Variants in GAS7 observed in about 807,000 individuals in gnomAD.
GAS7 encodes the protein growth arrest-specific protein 7.
A neutral mutation model predicts 71.1 loss-of-function variants in GAS7; 28 were observed. The observed-to-expected ratio is 0.39, with a 90% CI of 0.29 to 0.54. The LOEUF (loss-of-function observed/expected upper bound fraction) is 0.54. GAS7 is among the 20% of genes least tolerant of loss of function. The pLI is 0.62. For missense variants in GAS7, 436 were observed against 627.8 expected, an observed-to-expected ratio of 0.69 and a Z score of 3.27; for synonymous variants, 258 against 245.8, an observed-to-expected ratio of 1.05 and a Z score of -0.46.
chr17:10,176,146 A>G (rs1221672939), intron 1 of GAS7, among the ~76,000 whole-genome samples: 1 of 152,226 alleles, frequency 6.6e-6, no homozygotes, highest in Non-Finnish European at 1.5e-5. Context: ...GAGGCAACAG[A>G]GCTCTTACTG....
chr17:10,068,192 T>C (rs1297249035), intron 1 of GAS7, among the ~76,000 whole-genome samples: 2 of 152,106 alleles, frequency 1.3e-5, no homozygotes, highest in Non-Finnish European at 2.9e-5. Context: ...GGCACCCCCA[T>C]ATGCACTTGA....
intron 1 of GAS7, among the ~76,000 whole-genome samples, chr17:10,147,440 C>T (rs2142103654): frequency 6.6e-6 from 1 of 152,274 alleles, no homozygotes; most frequent in Non-Finnish European, 1.5e-5. Flanking sequence ...AAGCTGATTT[C>T]TAAAATACGC....
chr17:10,048,793 G>A (rs1179726609), intron 1 of GAS7, among the ~76,000 whole-genome samples: 1 of 152,182 alleles, frequency 6.6e-6, no homozygotes, highest in African/African-American at 2.4e-5. Flanking sequence ...AAATTAGGAA[G>A]ACAACACAGC....
At chr17:9,949,673 G>T (rs1347847145) in intron 5 of GAS7, among the ~76,000 whole-genome samples, 1 of 152,182 alleles carries the variant, frequency 6.6e-6, no homozygotes, top group Non-Finnish European at 1.5e-5. Flanking sequence ...TCAGCAGAAG[G>T]ATCAGAGGCA....
At position 9,912,643 on chromosome 17, in the gene GAS7, T is replaced by C. The variant is rs1328108949; in HGVS notation, c.*4585A>G. The C allele has an allele frequency of 4.3e-6, 1 of 232,756 alleles. No individual in the cohort carries two copies. Among genetic ancestry groups the C allele is most frequent in the African/African-American group, 2.2e-5 (1 of 45,328 alleles). 14.4% of individuals were successfully genotyped at this position (232,756 alleles called of 1,614,324 possible). A position where few individuals can be genotyped will look rare whatever the true frequency, so the allele number is the denominator to read the frequency against. ...CCCTTCCCCTCCCATCCCTGGATTC[T>C]TTCTGCACTACCAAAAACCCACCAC... On this transcript the variant is annotated 3_prime_UTR_variant, in exon 14 of 14. Coordinates refer to ENST00000432992, the MANE Select transcript of GAS7 (RefSeq NM_201433.2).
intron 2 of GAS7, among the ~76,000 whole-genome samples, chr17:10,018,467 G>A (rs1317267531): frequency 6.6e-6 from 1 of 152,202 alleles, no homozygotes; most frequent in East Asian, 1.9e-4. Flanking sequence ...GCAGATGGGT[G>A]TTGCATACAT....
In GAS7 at chr17:9,978,533, C is replaced by T. The variant is rs1186136966; in HGVS notation, c.385+3271G>A. Among the ~76,000 whole-genome samples the T allele has an allele frequency of 4.6e-5, 7 of 151,484 alleles. No homozygotes were observed. In the East Asian group the frequency reaches 5.8e-4, roughly 13 times the overall value. ...GAAGAAAATAAAATAAGAAAATTAG[C>T]GGGGTGTGGTGGCACACGCCTGTAG... is the stretch of plus-strand genomic sequence containing the variant. On this transcript the variant is annotated intron_variant, in intron 3 of 13. Transcript: ENST00000432992.
chr17:9,927,041 A>T, intron 9 of GAS7: 2 of 375,690 alleles, frequency 5.3e-6, no homozygotes, highest in Non-Finnish European at 9.5e-6. Flanking sequence ...CCATCTGTTA[A>T]CTACTTTTTT....
At chr17:10,175,542 T>C (rs980509625) in intron 1 of GAS7, among the ~76,000 whole-genome samples, 30 of 152,336 alleles carry the variant, frequency 2.0e-4, no homozygotes, top group African/African-American at 7.0e-4. Flanking sequence ...TTTCCCTTTC[T>C]TAAAAGGACA....
intron 2 of GAS7, among the ~76,000 whole-genome samples, chr17:10,005,199 A>T (rs575346672): frequency 8.6e-6 from 1 of 116,692 alleles, no homozygotes; most frequent in African/African-American, 5.0e-5. Flanking sequence ...GCACGCATGC[A>T]TGTGTGTGCA....
At chr17:10,157,254 G>A (rs1224359099) in intron 1 of GAS7, among the ~76,000 whole-genome samples, 2 of 152,138 alleles carry the variant, frequency 1.3e-5, no homozygotes, top group African/African-American at 4.8e-5. Flanking sequence ...CTGACACCCT[G>A]AAGTGCAAGG....
rs146998086 is a variant in GAS7, at chr17:10,186,771, C to T, written c.183+11437G>A. Among the ~76,000 whole-genome samples, 135 of 152,238 alleles carry T rather than the reference C, an allele frequency of 8.9e-4. 1 individual carries two copies. The East Asian group carries it at 0.025, about 28-fold the overall frequency. ...GGTACAGTGGCTCATGCCTATACTC[C>T]CAACACTTTGAGAGGCAGAGGCAGG... On this transcript the variant is annotated intron_variant, in intron 1 of 13. Transcript: ENST00000432992.
At chr17:9,958,881 G>T in intron 5 of GAS7, 3 of 774,502 alleles carry the variant, frequency 3.9e-6, no homozygotes, top group Non-Finnish European at 3.5e-6. Context: ...CATCACTTGC[G>T]CTGAGCACAG....
intron 1 of GAS7, among the ~76,000 whole-genome samples, chr17:10,177,381 T>G (rs1382368715): frequency 6.6e-6 from 1 of 152,040 alleles, no homozygotes; most frequent in Non-Finnish European, 1.5e-5. Flanking sequence ...AGGGTCCATA[T>G]TTGTGCAAGG....
At chr17:10,074,436 G>A (rs1375451493) in intron 1 of GAS7, among the ~76,000 whole-genome samples, 1 of 152,086 alleles carries the variant, frequency 6.6e-6, no homozygotes, top group Non-Finnish European at 1.5e-5. Flanking sequence ...CCCTGGAAGG[G>A]TTTCACTTCG....
chr17:10,069,765 T>C (rs1389466229), intron 1 of GAS7, among the ~76,000 whole-genome samples: 1 of 152,230 alleles, frequency 6.6e-6, no homozygotes, highest in Non-Finnish European at 1.5e-5. Flanking sequence ...TATTTTTAGT[T>C]GACTCACTTT....
chr17:10,126,179 G>A (rs1314395773), intron 1 of GAS7, among the ~76,000 whole-genome samples: 1 of 152,200 alleles, frequency 6.6e-6, no homozygotes, highest in Admixed American at 6.5e-5. Flanking sequence ...GTTAAATGGG[G>A]GAGTCGCTTC....
At chr17:10,113,937 T>C (rs1485033650) in intron 1 of GAS7, among the ~76,000 whole-genome samples, 1 of 152,142 alleles carries the variant, frequency 6.6e-6, no homozygotes, top group East Asian at 1.9e-4. Context: ...TTTCTCAAGA[T>C]AGGGTCTTGC....
intron 1 of GAS7, among the ~76,000 whole-genome samples, chr17:10,056,525 T>C (rs1367416564): frequency 6.7e-6 from 1 of 150,096 alleles, no homozygotes; most frequent in Non-Finnish European, 1.5e-5. Context: ...AAAATAAAAA[T>C]AAATTAAAAA....
Sources: gnomAD v4.1 joint callset for allele counts (sites outside exome capture counted in the v4.1 genomes callset) on GRCh38, gnomAD v4.1.1 for gene constraint, MANE v1.5 for transcripts, NCBI Gene and HGNC (gene_info 2026-07-23, HGNC 2026-07-21) for gene names.